The following GSTO1 variants were observed in gnomAD, a reference collection of about 807,000 sequenced individuals.
GSTO1 encodes glutathione S-transferase omega 1.
A neutral mutation model predicts 23.8 loss-of-function variants in GSTO1; 27 were observed. The observed-to-expected ratio is 1.13, with a 90% confidence interval of 0.83 to 1.56. The LOEUF (loss-of-function observed/expected upper bound fraction) is 1.56. Ranked by LOEUF, GSTO1 falls within the 40% of genes most tolerant of loss-of-function variation. The pLI is 0.00. For synonymous variants in GSTO1, 105 were observed against 109.3 expected, an observed-to-expected ratio of 0.96 and a Z score of 0.25; for missense variants, 255 against 285.8, an observed-to-expected ratio of 0.89 and a Z score of 0.78.
intron 2 of GSTO1, among the ~76,000 whole-genome samples, chr10:104,255,835 G>A (rs2091600626): frequency 6.6e-6 from 1 of 152,184 alleles, no homozygotes; most frequent in South Asian, 2.1e-4. Context: ...TCCTTCTGCA[G>A]AGCCTGTTTT....
chr10:104,254,868 C>T (rs2091593494), upstream of GSTO1: 2 of 1,529,364 alleles, frequency 1.3e-6, no homozygotes, highest in Non-Finnish European at 1.8e-6. Context: ...GGGAAGGACG[C>T]GCCACCTACT....
intron 2 of GSTO1, among the ~76,000 whole-genome samples, chr10:104,259,253 TGAA>T (rs2011116297): frequency 6.6e-6 from 1 of 152,150 alleles, no homozygotes; most frequent in Admixed American, 6.5e-5. Flanking sequence ...CATCAGCAGA[TGAA>T]TGGATAAAGA....
intron 2 of GSTO1, among the ~76,000 whole-genome samples, chr10:104,257,372 G>A (rs1413576368): frequency 2.1e-5 from 3 of 145,530 alleles, no homozygotes; most frequent in Non-Finnish European, 1.5e-5. Flanking sequence ...ACAGGGTCTC[G>A]CCCTGTCACC....
intron 2 of GSTO1, among the ~76,000 whole-genome samples, chr10:104,258,741 C>A (rs1298286308): frequency 1.3e-5 from 2 of 152,128 alleles, no homozygotes; most frequent in Non-Finnish European, 2.9e-5. Context: ...GTGGTCCCAA[C>A]TACTCGGGAG....
intron 4 of GSTO1, among the ~76,000 whole-genome samples, chr10:104,263,462 T>G (rs749084682): frequency 3.6e-4 from 55 of 152,250 alleles, no homozygotes; most frequent in African/African-American, 1.3e-3. Flanking sequence ...GATATCATTC[T>G]GTGTCCTGCT....
At chr10:104,267,230 T>C (rs780079784) in intron 5 of GSTO1, 22 bp from the exon 6 acceptor site, 1 of 1,585,618 alleles carries the variant, frequency 6.3e-7, no homozygotes, top group East Asian at 2.2e-5. Context: ...CTCACACCTT[T>C]CATTTTTTCC....
rs2011150906 is a variant in GSTO1, at chr10:104,262,958, AAGAAAT to A, written c.367-20_367-15del. The A allele has an allele frequency of 1.9e-6, 2 of 1,078,952 alleles. No individual in the cohort carries two copies. The highest frequency in any genetic ancestry group is 3.9e-5 in the Admixed American group (2 of 51,436). The allele number at this position is 1,078,952 out of a possible 1,614,324, so 66.8% of individuals were successfully genotyped here. Reference sequence around the variant, plus strand: ...ACAGTTAGCCATAAACTGATAAACTAAGAAATTATTCTCTGTCTAGGTGCCATCCTT... The same window carrying A: ...ACAGTTAGCCATAAACTGATAAACTATATTCTCTGTCTAGGTGCCATCCTT... On this transcript the variant is annotated splice_polypyrimidine_tract_variant and intron_variant, in intron 3 of 5. Coordinates refer to ENST00000369713, the MANE Select transcript of GSTO1 (RefSeq NM_004832.3).
upstream of GSTO1, chr10:104,254,760 C>A: frequency 2.9e-6 from 2 of 683,928 alleles, no homozygotes; most frequent in South Asian, 1.6e-5. Flanking sequence ...GTTTTAAGGG[C>A]TATCCCATAA....
chr10:104,255,885 A>G (rs543993512), intron 2 of GSTO1, among the ~76,000 whole-genome samples: 113 of 152,320 alleles, frequency 7.4e-4, no homozygotes, highest in African/African-American at 2.6e-3. Context: ...TATCCACAGG[A>G]TATGTGCAAC....
At position 104,254,896 on chromosome 10, in the gene GSTO1, A is replaced by C; in HGVS notation, c.-33A>C. ...CACCTACTTCCTGAATCCCCTGCAA[A>C]CCCCAGAGGAGCTCGGCCTGCGCTG... On this transcript the variant is annotated 5_prime_UTR_variant, in exon 1 of 6. Transcript: ENST00000369713. The C allele has an allele frequency of 6.2e-7, 1 of 1,607,640 alleles. No homozygotes were observed. The highest frequency in any genetic ancestry group is 1.3e-5 in the African/African-American group (1 of 74,926).
chr10:104,259,878 G>A, intron 3 of GSTO1, 80 bp downstream of exon 3: 1 of 909,344 alleles, frequency 1.1e-6, no homozygotes, highest in African/African-American at 1.6e-5. Flanking sequence ...TTATGGTTCA[G>A]TGATTTGGGA....
intron 3 of GSTO1, among the ~76,000 whole-genome samples, chr10:104,260,608 C>A (rs2011130785): frequency 6.6e-6 from 1 of 152,162 alleles, no homozygotes. Flanking sequence ...TGGATTAGTT[C>A]AAACAATTAG....
At chr10:104,259,247 A>ATT (rs2011116218) in intron 2 of GSTO1, among the ~76,000 whole-genome samples, 1 of 152,246 alleles carries the variant, frequency 6.6e-6, no homozygotes, top group Admixed American at 6.5e-5. Context: ...AATGTCCATC[A>ATT]GCAGATGAAT....
At chr10:104,265,419 C>T (rs7077797) in intron 4 of GSTO1, among the ~76,000 whole-genome samples, 11,237 of 152,194 alleles carry the variant, frequency 0.074, 1,396 homozygotes, top group African/African-American at 0.26. Flanking sequence ...TGATAGTAAA[C>T]GTTTTCACAT....
At chr10:104,261,685 G>A (rs887478972) in intron 3 of GSTO1, among the ~76,000 whole-genome samples, 2 of 152,180 alleles carry the variant, frequency 1.3e-5, no homozygotes, top group African/African-American at 4.8e-5. Flanking sequence ...AGACCCAGGT[G>A]GAAATGTGGA....
At chr10:104,259,160 T>C (rs1034013668) in intron 2 of GSTO1, among the ~76,000 whole-genome samples, 3 of 152,194 alleles carry the variant, frequency 2.0e-5, no homozygotes, top group African/African-American at 7.2e-5. Flanking sequence ...TATATCCAAA[T>C]TAAATGAAAT....
At chr10:104,257,699 T>G (rs1241398998) in intron 2 of GSTO1, among the ~76,000 whole-genome samples, 1 of 152,170 alleles carries the variant, frequency 6.6e-6, no homozygotes, top group Admixed American at 6.6e-5. Context: ...AACTTTTTAC[T>G]CAAATTAGCA....
intron 4 of GSTO1, among the ~76,000 whole-genome samples, chr10:104,265,124 A>G (rs1307049713): frequency 6.6e-6 from 1 of 152,242 alleles, no homozygotes; most frequent in Non-Finnish European, 1.5e-5. Context: ...TGAAAAGTTA[A>G]TATTTTTAAT....
At position 104,259,721 on chromosome 10, in the gene GSTO1, T is replaced by A. The variant is rs1301153852; in HGVS notation, c.289T>A (p.Tyr97Asn). 2 of 1,613,080 alleles carry A rather than the reference T, an allele frequency of 1.2e-6. No individual in the cohort carries two copies. Among genetic ancestry groups the A allele is most frequent in the African/African-American group, 2.7e-5 (2 of 74,886 alleles). ...CACCTGTGAGTACCTGGATGAAGCA[T>A]ACCCAGGGAAGAAGCTGTTGCCGGA... is the stretch of plus-strand genomic sequence containing the variant. ...AITCEYLDEA[Y>N]PGKKLLPDDP... Residue 97 changes from tyrosine to asparagine, a missense_variant, in exon 3 of 6, where the codon TAC becomes AAC. Physicochemically the swap from Tyr to Asn is moderately radical, Grantham distance 143 (BLOSUM62 -2). Coordinates refer to ENST00000369713, the MANE Select transcript of GSTO1 (RefSeq NM_004832.3).
Sources: allele counts gnomAD v4.1 joint callset (sites outside exome capture counted in the v4.1 genomes callset), GRCh38; gene constraint gnomAD v4.1.1; transcripts MANE v1.5; gene names NCBI Gene and HGNC (gene_info 2026-07-23, HGNC 2026-07-21).